RNF17: variants seen among roughly 807,000 people sequenced by gnomAD.
RNF17 encodes ring finger protein 17, also known as spermatogenesis associated 23.
In RNF17, 31 loss-of-function variants were observed where a neutral mutation model predicts 200.5. That is an observed-to-expected ratio of 0.15 (90% CI 0.12 to 0.21). RNF17 has a LOEUF of 0.21. Among genes scored for constraint, RNF17 ranks in the 10% least tolerant of loss-of-function variants. The pLI is 1.00. For missense variants in RNF17, 1,628 were observed against 1,905.1 expected, an observed-to-expected ratio of 0.85 and a Z score of 2.71; for synonymous variants, 606 against 637.8, an observed-to-expected ratio of 0.95 and a Z score of 0.75.
downstream of RNF17, among the ~76,000 whole-genome samples, chr13:24,881,744 C>T (rs1466770017): frequency 3.4e-5 from 5 of 146,082 alleles, no homozygotes; most frequent in South Asian, 2.2e-4. Context: ...ATCTAGATCA[C>T]TTGAGGTCAG....
intron 34 of RNF17, among the ~76,000 whole-genome samples, 153 bp downstream of exon 34, chr13:24,877,339 C>G (rs759502904): frequency 6.6e-6 from 1 of 151,938 alleles, no homozygotes; most frequent in African/African-American, 2.4e-5. Flanking sequence ...TTTATATATA[C>G]ATATAAAGCT....
At chr13:24,765,024 T>C (rs9553436) in intron 1 of RNF17, among the ~76,000 whole-genome samples, 51,907 of 151,902 alleles carry the variant, frequency 0.34, 9,472 homozygotes, top group East Asian at 0.43. Flanking sequence ...TTATTATTAT[T>C]TTTTTCTTTG....
intron 3 of RNF17, among the ~76,000 whole-genome samples, chr13:24,777,169 A>G (rs912791718): frequency 6.6e-6 from 1 of 152,250 alleles, no homozygotes; most frequent in African/African-American, 2.4e-5. Flanking sequence ...TGAAACAGGA[A>G]TTCAGTAATG....
chr13:24,777,757 C>A (rs1046498566), intron 3 of RNF17, among the ~76,000 whole-genome samples: 1 of 152,072 alleles, frequency 6.6e-6, no homozygotes, highest in African/African-American at 2.4e-5. Flanking sequence ...AATTAAAACA[C>A]AATATATAAG....
chr13:24,773,974 G>A (rs1881184193), intron 2 of RNF17, among the ~76,000 whole-genome samples: 1 of 152,006 alleles, frequency 6.6e-6, no homozygotes, highest in South Asian at 2.1e-4. Context: ...AGACCGCAGG[G>A]CCTCAAATAA....
chr13:24,856,741 C>T (rs1892547336), intron 25 of RNF17, among the ~76,000 whole-genome samples: 1 of 152,180 alleles, frequency 6.6e-6, no homozygotes, highest in Non-Finnish European at 1.5e-5. Flanking sequence ...ACACCAATAC[C>T]AGTTTTTTTC....
intron 17 of RNF17, among the ~76,000 whole-genome samples, chr13:24,830,856 C>T (rs888097448): frequency 1.3e-5 from 2 of 152,110 alleles, no homozygotes; most frequent in African/African-American, 4.8e-5. Flanking sequence ...ATTTTGAGAT[C>T]ATATATTGTG....
At chr13:24,837,209 G>T in intron 18 of RNF17, among the ~76,000 whole-genome samples, 1 of 152,072 alleles carries the variant, frequency 6.6e-6, no homozygotes, top group Non-Finnish European at 1.5e-5. Context: ...TAACACTAGA[G>T]CTCCCAAATT....
At chr13:24,753,093 A>G in the RNF17 span, among the ~76,000 whole-genome samples, 1 of 151,662 alleles carries the variant, frequency 6.6e-6, no homozygotes, top group African/African-American at 2.4e-5. Flanking sequence ...GATGTGGCTG[A>G]TGATATAAGG....
chr13:24,881,869 T>C (rs753574695), downstream of RNF17, among the ~76,000 whole-genome samples: 23 of 115,142 alleles, frequency 2.0e-4, 1 homozygote, highest in Non-Finnish European at 4.1e-4. Flanking sequence ...GATATATAGA[T>C]ACATCTATAT....
At chr13:24,844,917 C>T (rs377319352) in intron 21 of RNF17, 44 bp from the exon 22 acceptor site, 24 of 1,552,854 alleles carry the variant, frequency 1.5e-5, no homozygotes, top group Middle Eastern at 1.7e-4. Context: ...AAAAATATTT[C>T]GAAATGTTGT....
At chr13:24,887,588 A>C in the RNF17 span, among the ~76,000 whole-genome samples, 2 of 152,146 alleles carry the variant, frequency 1.3e-5, no homozygotes, top group African/African-American at 4.8e-5. Context: ...GGGACCATCT[A>C]ATTGCAGGAA....
intron 14 of RNF17, chr13:24,804,016 AT>A (rs1332355220): frequency 2.9e-6 from 1 of 348,518 alleles, no homozygotes; most frequent in Non-Finnish European, 5.3e-6. Context: ...TTACACTTGT[AT>A]CCCAGCACTT....
intron 26 of RNF17, among the ~76,000 whole-genome samples, chr13:24,860,418 T>G (rs574507076): frequency 1.3e-5 from 2 of 152,170 alleles, no homozygotes; most frequent in African/African-American, 2.4e-5. Flanking sequence ...ACACAATGGA[T>G]TTTTCATTTC....
intron 15 of RNF17, among the ~76,000 whole-genome samples, chr13:24,812,607 G>A (rs1474894182): frequency 4.7e-5 from 7 of 149,534 alleles, no homozygotes; most frequent in African/African-American, 9.8e-5. Context: ...TGTCTTCTGC[G>A]TTGTTGACAC....
upstream of RNF17, among the ~76,000 whole-genome samples, chr13:24,763,369 ATTTTTTTTTTTT>A (rs34750040): frequency 8.7e-6 from 1 of 114,710 alleles, no homozygotes; most frequent in African/African-American, 3.2e-5. Flanking sequence ...CGTCCGGCTA[ATTTTTTTTTTTT>A]TTTTTTTTTG....
chr13:24,854,005 T>G lies in RNF17; in HGVS notation c.3471T>G (p.Ser1157=), dbSNP rs367671616. The change falls in exon 25 of 36, where the codon TCT becomes TCG. Residue 1157 remains serine, a synonymous_variant. Coordinates refer to ENST00000255324, the MANE Select transcript of RNF17 (RefSeq NM_031277.3). ...TADIISEQKV[S]EFQEKILEPR... is the part of the protein sequence containing the mutation. ...ACATAATCAGTGAACAGAAAGTGTC[T>G]GAATTTCAGGAGAAAATTCTAGAAC... 1 of 1,614,054 alleles carries G rather than the reference T, an allele frequency of 6.2e-7. No homozygotes were observed. The highest frequency in any genetic ancestry group is 1.3e-5 in the African/African-American group (1 of 74,940).
At chr13:24,878,310 A>T (rs960642859) in intron 34 of RNF17, among the ~76,000 whole-genome samples, 12 of 152,248 alleles carry the variant, frequency 7.9e-5, no homozygotes, top group African/African-American at 2.9e-4. Flanking sequence ...ACCCAGTGAA[A>T]AAAGGGCAAG....
intron 5 of RNF17, among the ~76,000 whole-genome samples, chr13:24,780,888 AAAAAATT>A (rs200617394): frequency 0.012 from 1,816 of 152,250 alleles, 34 homozygotes; most frequent in African/African-American, 0.042. Context: ...TTTCCAAAAA[AAAAAATT>A]AAAAATTAAT....
Sources: gnomAD v4.1 joint callset for allele counts (sites outside exome capture counted in the v4.1 genomes callset) on GRCh38, gnomAD v4.1.1 for gene constraint, MANE v1.5 for transcripts, NCBI Gene and HGNC (gene_info 2026-07-23, HGNC 2026-07-21) for gene names.